Variants in GPR107 observed in about 807,000 individuals in gnomAD.
GPR107 encodes G protein-coupled receptor 107.
Under a neutral mutation model 75.5 loss-of-function variants are expected in GPR107, and 31 were observed. The ratio of observed to expected loss-of-function variants is 0.41; its 90% CI spans 0.31 to 0.55. The LOEUF (loss-of-function observed/expected upper bound fraction) is 0.55. Ranked by LOEUF, GPR107 falls within the 20% of genes least tolerant of loss-of-function variation. The probability of loss-of-function intolerance (pLI) is 0.26; values close to 1 mark genes in which losing one functional copy is unlikely to be tolerated. For missense variants in GPR107, 572 were observed against 665.7 expected (o/e 0.86, Z 1.55); for synonymous variants, 267 against 251.3 (o/e 1.06, Z -0.59).
intron 7 of GPR107, among the ~76,000 whole-genome samples, chr9:130,088,417 C>T (rs942936695): frequency 2.0e-5 from 3 of 152,314 alleles, no homozygotes; most frequent in African/African-American, 7.2e-5. Context: ...CTCTGTCTTT[C>T]CTTAGTATTA....
intron 1 of GPR107, among the ~76,000 whole-genome samples, chr9:130,054,827 C>T (rs1829706995): frequency 6.6e-6 from 1 of 152,174 alleles, no homozygotes; most frequent in Admixed American, 6.5e-5. Context: ...GCCTGTAATC[C>T]CAACACTGGG....
chr9:130,060,408 T>TG (rs1487756496), intron 1 of GPR107, among the ~76,000 whole-genome samples: 2 of 138,604 alleles, frequency 1.4e-5, no homozygotes, highest in African/African-American at 5.2e-5. Flanking sequence ...CCGAGTTTTT[T>TG]TTTTTTTTTT....
At chr9:130,090,402 A>G (rs953679278) in intron 7 of GPR107, among the ~76,000 whole-genome samples, 4 of 152,240 alleles carry the variant, frequency 2.6e-5, no homozygotes, top group African/African-American at 7.2e-5. Flanking sequence ...TCCTTTTTAA[A>G]GAGTATTTTA....
At chr9:130,075,241 C>CTTTT (rs149248581) in intron 1 of GPR107, among the ~76,000 whole-genome samples, 9 of 76,704 alleles carry the variant, frequency 1.2e-4, no homozygotes, top group African/African-American at 4.2e-4. Context: ...TTTCTTTTAC[C>CTTTT]TTTTTTTTTT....
At chr9:130,083,814 A>G (rs1023100334) in intron 6 of GPR107, among the ~76,000 whole-genome samples, 4 of 152,064 alleles carry the variant, frequency 2.6e-5, no homozygotes, top group African/African-American at 4.8e-5. Context: ...CTTATATAAA[A>G]TGGCATAGTA....
At chr9:130,117,031 C>T (rs1253871459) in intron 14 of GPR107, among the ~76,000 whole-genome samples, 2 of 151,326 alleles carry the variant, frequency 1.3e-5, no homozygotes, top group Admixed American at 6.6e-5. Context: ...ACTGCAACCT[C>T]TGCCTCCTGG....
intron 9 of GPR107, among the ~76,000 whole-genome samples, 199 bp downstream of exon 9, chr9:130,092,580 CCTGTTGTTTTGTTTAAAAAGCAAAT>C (rs1171209565): frequency 6.6e-6 from 1 of 151,660 alleles, no homozygotes; most frequent in Non-Finnish European, 1.5e-5. Context: ...CTGTTCACTT[CCTGTTGTTTTGTTTAAAAAGCAAAT>C]CTAAATTATT....
intron 15 of GPR107, among the ~76,000 whole-genome samples, chr9:130,126,405 G>A (rs868861196): frequency 8.7e-5 from 13 of 149,626 alleles, no homozygotes; most frequent in African/African-American, 3.0e-4. Flanking sequence ...GAGTGCAATG[G>A]CGTGATCTCG....
intron 5 of GPR107, among the ~76,000 whole-genome samples, chr9:130,080,452 A>G (rs1830464230): frequency 1.3e-5 from 2 of 150,042 alleles, no homozygotes. Context: ...CTAAAATGAA[A>G]GGCAAAAAAG....
Position 130,112,936 on chromosome 9 carries a change from G to A in GPR107, c.1306+5397G>A, listed in dbSNP as rs1479499710. On this transcript the variant is annotated intron_variant, in intron 14 of 17. Transcript: ENST00000347136. This position sits in a 1 kb window ranked among gnomAD's most constrained non-coding sequence, Gnocchi z 4.0. ...GGCTAATTTTTGTATTTTTTGTAGA[G>A]ATAGGATTTTGTCATATTGCCCAGG... Among the ~76,000 whole-genome samples, 1 of 151,964 alleles carries A rather than the reference G, an allele frequency of 6.6e-6. No individual in the cohort carries two copies. The highest frequency in any genetic ancestry group is 1.5e-5 in the Non-Finnish European group (1 of 68,002).
intron 17 of GPR107, among the ~76,000 whole-genome samples, chr9:130,132,010 T>G (rs1831839234): frequency 6.6e-6 from 1 of 152,182 alleles, no homozygotes; most frequent in South Asian, 2.1e-4. Context: ...GCCTCCTTAA[T>G]AGCTGGGACC....
rs1332455015 is a variant in GPR107 at position 130,075,263 on chromosome 9, G to A, written c.142-373G>A. On this transcript the variant is annotated intron_variant, in intron 1 of 17. Coordinates refer to ENST00000347136, the MANE Select transcript of GPR107 (RefSeq NM_020960.5). ...TACCTTTTTTTTTTTTTTTTTTTTT[G>A]AGACAGAGTCTTGCTCCGTCACCCA... is the stretch of plus-strand genomic sequence containing the variant. 2.5e-4 allele frequency among the ~76,000 whole-genome samples: 14 copies of A among 55,624 alleles called. No homozygotes were observed. The East Asian group carries it at 6.2e-3, about 25-fold the overall frequency. The allele number at this position is 55,624 out of a possible 152,430, so 36.5% of individuals were successfully genotyped here.
intron 14 of GPR107, among the ~76,000 whole-genome samples, chr9:130,111,318 A>T (rs1288593238): frequency 6.6e-6 from 1 of 151,948 alleles, no homozygotes; most frequent in Non-Finnish European, 1.5e-5. Context: ...AAACCACACA[A>T]AAAACTGTGG....
chr9:130,066,458 T>C (rs1830070475), intron 1 of GPR107, among the ~76,000 whole-genome samples: 1 of 152,212 alleles, frequency 6.6e-6, no homozygotes, highest in African/African-American at 2.4e-5. Context: ...GATTATTAGC[T>C]GCTCCATTCT....
Position 130,101,042 on chromosome 9 carries a change from A to T in GPR107, c.1014-64A>T. 6 of 919,652 alleles carry T rather than the reference A, an allele frequency of 6.5e-6. No individual in the cohort carries two copies. The South Asian group carries it at 7.9e-5, about 12-fold the overall frequency. The allele number at this position is 919,652 out of a possible 1,614,324, so 57.0% of individuals were successfully genotyped here. On this transcript the variant is annotated intron_variant, in intron 11 of 17. Transcript: ENST00000347136. Reference sequence around the variant, plus strand: ...TGTGAACTCATAGAATGAGCTATGCAATCTAACTGGCAGTGAGAGTCTAAA... The same window carrying T: ...TGTGAACTCATAGAATGAGCTATGCTATCTAACTGGCAGTGAGAGTCTAAA...
chr9:130,113,205 C>T (rs1441520711), intron 14 of GPR107, among the ~76,000 whole-genome samples: 1 of 150,862 alleles, frequency 6.6e-6, no homozygotes, highest in Non-Finnish European at 1.5e-5. Flanking sequence ...GTGTTTATCC[C>T]TGTCAGCCTG....
intron 1 of GPR107, among the ~76,000 whole-genome samples, chr9:130,074,881 C>T (rs537005243): frequency 2.4e-4 from 36 of 151,416 alleles, no homozygotes; most frequent in Admixed American, 1.7e-3. Flanking sequence ...CAGCTTCAGC[C>T]GCTCCTTTTC....
chr9:130,057,160 C>T (rs186896544), intron 1 of GPR107, among the ~76,000 whole-genome samples: 1 of 152,104 alleles, frequency 6.6e-6, no homozygotes, highest in Admixed American at 6.6e-5. Flanking sequence ...GCAAGGATAA[C>T]ATGAAGAGGT....
chr9:130,107,524 G>A lies in GPR107; in HGVS notation c.1291G>A (p.Ala431Thr). ...WSIRHLQEAS[A>T]TDGKAAINLA... ...AATCAGACATTTACAAGAAGCATCA[G>A]CAACAGATGGAAAAGGCAAGTTCTC... is the stretch of plus-strand genomic sequence containing the variant. The change falls in exon 14 of 18, where the codon GCA becomes ACA. Residue 431 changes from alanine (A) to threonine (T), a missense_variant. Physicochemically the swap from Ala to Thr is moderately conservative, Grantham distance 58 (BLOSUM62 0). Coordinates refer to ENST00000347136, the MANE Select transcript of GPR107 (RefSeq NM_020960.5). 6.2e-7 allele frequency: 1 copy of A among 1,600,308 alleles called. No individual in the cohort carries two copies. Among genetic ancestry groups the A allele is most frequent in the Non-Finnish European group, 8.6e-7 (1 of 1,167,402 alleles).
Sources: gnomAD v4.1 joint callset for allele counts (sites outside exome capture counted in the v4.1 genomes callset) on GRCh38, gnomAD v4.1.1 for gene constraint, Gnocchi (gnomAD v3.1) non-coding constraint, MANE v1.5 for transcripts, NCBI Gene and HGNC (gene_info 2026-07-23, HGNC 2026-07-21) for gene names.